The following CLTCL1 variants were observed in gnomAD, a reference collection of about 807,000 sequenced individuals.
The protein encoded by CLTCL1 is clathrin heavy chain 2.
CLTCL1 carries 159 observed loss-of-function variants against 190.0 expected under a neutral mutation model. The observed-to-expected ratio is 0.84, with a 90% CI of 0.74 to 0.95. The LOEUF (loss-of-function observed/expected upper bound fraction) is 0.95, where lower values mean the gene tolerates loss of function less well. Among genes scored for constraint, CLTCL1 ranks in the 40% least tolerant of loss-of-function variants. The pLI, the probability that CLTCL1 is intolerant of heterozygous loss-of-function variation, is 0.00. For synonymous variants in CLTCL1, 752 were observed against 769.6 expected (o/e 0.98, Z 0.38); for missense variants, 1,878 against 2,033.4 (o/e 0.92, Z 1.47).
At chr22:19,218,824 T>C (rs1288611307) in intron 18 of CLTCL1, among the ~76,000 whole-genome samples, 2 of 152,200 alleles carry the variant, frequency 1.3e-5, no homozygotes, top group South Asian at 2.1e-4. Flanking sequence ...TGCCAGGCCA[T>C]ACCCAATAAT....
intron 24 of CLTCL1, among the ~76,000 whole-genome samples, chr22:19,197,024 A>G (rs1471220228): frequency 6.6e-6 from 1 of 152,178 alleles, no homozygotes; most frequent in African/African-American, 2.4e-5. Context: ...GGCTCCAACA[A>G]ACCTTCAACT....
chr22:19,273,037 A>C (rs73377894), intron 2 of CLTCL1, among the ~76,000 whole-genome samples: 2 of 152,094 alleles, frequency 1.3e-5, no homozygotes, highest in East Asian at 3.9e-4. Context: ...GTGAGATACA[A>C]GGTGCAGCAC....
chr22:19,184,445 G>A, intron 29 of CLTCL1: 1 of 455,882 alleles, frequency 2.2e-6, no homozygotes, highest in Non-Finnish European at 4.4e-6. Flanking sequence ...GCCCACATCT[G>A]CATGGACCCG....
chr22:19,289,033 G>A (rs1474948023), intron 1 of CLTCL1, among the ~76,000 whole-genome samples: 1 of 152,232 alleles, frequency 6.6e-6, no homozygotes, highest in Admixed American at 6.5e-5. Flanking sequence ...ACCCAGGCTG[G>A]AGAGTAGTGA....
At position 19,225,590 on chromosome 22, in the gene CLTCL1, AC is replaced by A; in HGVS notation, c.1990del (p.Val664TrpfsTer56). On this transcript the variant is annotated frameshift_variant, in exon 13 of 33. Transcript: ENST00000427926. LOFTEE classifies it high-confidence loss of function. ...AGACAGCATGGCATGCAGACACTCC[AC>A]AGAATCCTCCACCGATAAGGAGCCA... ...FFGSLSVEDS[V>X]ECLHAMLSAN... 1 of 1,576,594 alleles carries A rather than the reference AC, an allele frequency of 6.3e-7. No homozygotes were observed. Among genetic ancestry groups the A allele is most frequent in the Non-Finnish European group, 8.6e-7 (1 of 1,161,408 alleles).
At chr22:19,252,380 C>T (rs17744132) in intron 3 of CLTCL1, among the ~76,000 whole-genome samples, 3,764 of 152,262 alleles carry the variant, frequency 0.025, 49 homozygotes, top group Non-Finnish European at 0.037. Flanking sequence ...GTATCATCCA[C>T]GGTGGGTGAC....
intron 29 of CLTCL1, among the ~76,000 whole-genome samples, chr22:19,185,193 G>A (rs532272454): frequency 1.3e-5 from 2 of 152,344 alleles, no homozygotes; most frequent in Non-Finnish European, 2.9e-5. Context: ...ACTGGGGCTT[G>A]TGGGCCCCAT....
In CLTCL1 at chr22:19,235,711, G is replaced by T; in HGVS notation, c.954C>A (p.Val318=). 6.2e-7 allele frequency: 1 copy of T among 1,609,756 alleles called. No individual in the cohort carries two copies. The highest frequency in any genetic ancestry group is 1.1e-5 in the South Asian group (1 of 90,098). ...AGTTACACACCTGTCCCTTTTTGTT[G>T]ACACCAATAATTCCAGAGGTTGGTT... ...PHKPTSGIIG[V]NKKGQVLSVC... Residue 318 remains valine (V), a synonymous_variant, in exon 6 of 33, where the codon GTC becomes GTA. Coordinates refer to ENST00000427926, the MANE Select transcript of CLTCL1 (RefSeq NM_007098.4).
chr22:19,235,921 C>A (rs113285386), intron 5 of CLTCL1, 52 bp from the exon 6 acceptor site: 18 of 1,490,130 alleles, frequency 1.2e-5, no homozygotes, highest in African/African-American at 8.4e-5. Context: ...AGAAGCCATG[C>A]GGGTAAAAAG....
At chr22:19,258,055 G>C in intron 2 of CLTCL1, 1 of 460,058 alleles carries the variant, frequency 2.2e-6, no homozygotes, top group South Asian at 1.7e-5. Context: ...ACCAGTTTGT[G>C]AGGAGCGACA....
At chr22:19,239,233 A>AT in intron 5 of CLTCL1, 42 bp downstream of exon 5, 1 of 1,479,192 alleles carries the variant, frequency 6.8e-7, no homozygotes, top group Non-Finnish European at 9.5e-7. Flanking sequence ...GCTAGAGTAG[A>AT]TTTTAGGACA....
intron 22 of CLTCL1, 136 bp from the exon 23 acceptor site, chr22:19,201,629 A>G: frequency 1.0e-6 from 1 of 972,580 alleles, no homozygotes; most frequent in Non-Finnish European, 1.5e-6. Flanking sequence ...CGCACCAGTG[A>G]CCAGATGAAG....
Position 19,221,601 on chromosome 22 carries a change from G to A in CLTCL1, c.2572C>T (p.Leu858=). ...ATCTGGGACTCCAGCCAGGGAAGCA[G>A]CAGCTTGAGCCTTTGAAAGAAGGAA... The part of the protein sequence containing the change: ...EVEKRNRLKL[L]LPWLESQIQE... Residue 858 remains leucine, a synonymous_variant, in exon 17 of 33, where the codon CTG becomes TTG. Coordinates refer to ENST00000427926, the MANE Select transcript of CLTCL1 (RefSeq NM_007098.4). 1.9e-6 allele frequency: 3 copies of A among 1,583,972 alleles called. No individual in the cohort carries two copies. The highest frequency in any genetic ancestry group is 2.6e-6 in the Non-Finnish European group (3 of 1,164,488).
intron 1 of CLTCL1, among the ~76,000 whole-genome samples, chr22:19,281,281 C>T (rs1212640084): frequency 3.7e-4 from 48 of 130,990 alleles, no homozygotes; most frequent in Non-Finnish European, 6.1e-4. Context: ...GGCGACAGAG[C>T]GAGACCCTGT....
chr22:19,233,501 A>T lies in CLTCL1; in HGVS notation c.1289T>A (p.Leu430His), dbSNP rs781836065. The T allele has an allele frequency of 1.2e-6, 2 of 1,613,856 alleles. No individual in the cohort carries two copies. Among genetic ancestry groups the T allele is most frequent in the Non-Finnish European group, 1.7e-6 (2 of 1,179,896 alleles). The change falls in exon 8 of 33, where the codon CTT becomes CAT. Residue 430 changes from leucine (L) to histidine (H), a missense_variant. Leu to His is a moderately conservative substitution (Grantham distance 99). Transcript: ENST00000427926. ...ILLDQGQLNK[L>H]ESLELCHLVL... ...CAGATGGCAAAGTTCTAAGGATTCA[A>T]GTTTATTGAGCTGACCCTGGTCGAG...
At chr22:19,279,381 C>T (rs1555985213) in intron 1 of CLTCL1, among the ~76,000 whole-genome samples, 4 of 152,102 alleles carry the variant, frequency 2.6e-5, no homozygotes. Flanking sequence ...AAGTAATTTG[C>T]CTGCCTTGGC....
chr22:19,194,179 C>T (rs1555934147), intron 26 of CLTCL1, among the ~76,000 whole-genome samples: 1 of 152,160 alleles, frequency 6.6e-6, no homozygotes, highest in African/African-American at 2.4e-5. Context: ...GATTGGTGTA[C>T]TTACAATCCT....
At chr22:19,275,152 A>G (rs997897226) in intron 2 of CLTCL1, among the ~76,000 whole-genome samples, 1 of 152,196 alleles carries the variant, frequency 6.6e-6, no homozygotes, top group Non-Finnish European at 1.5e-5. Context: ...TTTCAAGATA[A>G]CTAGAAGGCT....
At chr22:19,264,920 C>A (rs2087070784) in intron 2 of CLTCL1, among the ~76,000 whole-genome samples, 1 of 152,060 alleles carries the variant, frequency 6.6e-6, no homozygotes, top group Non-Finnish European at 1.5e-5. Context: ...TCCCAAGTAG[C>A]TGGGATTATA....
Sources: allele counts gnomAD v4.1 joint callset (sites outside exome capture counted in the v4.1 genomes callset), GRCh38; gene constraint gnomAD v4.1.1; transcripts MANE v1.5; gene names NCBI Gene and HGNC (gene_info 2026-07-23, HGNC 2026-07-21).